The following SV2B variants were observed in gnomAD, a reference collection of about 807,000 sequenced individuals.
SV2B encodes the protein solute carrier family 22 member B2.
Under a neutral mutation model 73.9 loss-of-function variants are expected in SV2B, and 41 were observed. The observed-to-expected ratio is 0.56, with a 90% CI of 0.43 to 0.72. The LOEUF is 0.72. Ranked by LOEUF, SV2B falls within the 30% of genes least tolerant of loss-of-function variation. The pLI, the probability that SV2B is intolerant of heterozygous loss-of-function variation, is 0.00. For missense variants in SV2B, 764 were observed against 857.8 expected (o/e 0.89, Z 1.37); for synonymous variants, 314 against 314.2 (o/e 1.00, Z 0.01).
intron 1 of SV2B, among the ~76,000 whole-genome samples, chr15:91,199,070 G>A (rs113554786): frequency 9.1e-4 from 139 of 152,188 alleles, no homozygotes; most frequent in African/African-American, 3.2e-3. Flanking sequence ...AGGCTGTACT[G>A]GAACTCCTAG....
chr15:91,254,995 C>T (rs914078574), intron 4 of SV2B, among the ~76,000 whole-genome samples: 14 of 152,142 alleles, frequency 9.2e-5, no homozygotes, highest in Middle Eastern at 3.2e-3. Flanking sequence ...GATGCAGATC[C>T]GGAAGGGTTT....
At chr15:91,174,265 C>G (rs2044225131) in intron 1 of SV2B, among the ~76,000 whole-genome samples, 1 of 152,216 alleles carries the variant, frequency 6.6e-6, no homozygotes, top group Non-Finnish European at 1.5e-5. Flanking sequence ...GGCTTTGATT[C>G]TCAGCTTCAC....
In SV2B at chr15:91,191,960, A is replaced by G. The variant is rs551568690; in HGVS notation, c.-391-33913A>G. On this transcript the variant is annotated intron_variant, in intron 1 of 12. Transcript: ENST00000394232. ...CGTTAAATTTTATTTTATAAGTTTTAAAGTTTGAGTTTTATTTTTCTGGCG... is the reference window on the plus strand; with the variant it reads ...CGTTAAATTTTATTTTATAAGTTTTGAAGTTTGAGTTTTATTTTTCTGGCG... 4.0e-4 allele frequency among the ~76,000 whole-genome samples: 61 copies of G among 152,208 alleles called. 1 individual carries two copies. The South Asian group carries it at 0.012, about 31-fold the overall frequency.
In SV2B at chr15:91,301,319, T is replaced by C. The variant is rs1430298758; in HGVS notation, c.*8767T>C. The C allele has an allele frequency of 6.6e-6, 1 of 152,250 alleles. No individual in the cohort carries two copies. The highest frequency in any genetic ancestry group is 1.5e-5 in the Non-Finnish European group (1 of 68,046). The allele number at this position is 152,250 out of a possible 1,614,324, so 9.4% of individuals were successfully genotyped here. On this transcript the variant is annotated 3_prime_UTR_variant, in exon 13 of 13. Transcript: ENST00000394232. The surrounding 1 kb of genome is among the most constrained non-coding windows in gnomAD (Gnocchi z 4.3). ...GAACTGACAAAACCCACTTTTGGTC[T>C]CTCTTCATATTTTTCGTGGTTTCAT... is the stretch of plus-strand genomic sequence containing the variant.
rs2042674389 is a variant in SV2B, at chr15:91,132,180, G to A, written c.-392+31817G>A. Among the ~76,000 whole-genome samples, 1 of 152,164 alleles carries A rather than the reference G, an allele frequency of 6.6e-6. No homozygotes were observed. The highest frequency in any genetic ancestry group is 1.9e-4 in the East Asian group (1 of 5,190). The stretch of plus-strand genomic sequence containing the variant: ...CAGTGTGGCCGCAGACCCCAGCAGC[G>A]GCTCAAGAGCCCAGCTACAGAATCG... On this transcript the variant is annotated intron_variant, in intron 1 of 12. Coordinates refer to ENST00000394232, the MANE Select transcript of SV2B (RefSeq NM_001323032.3). This position sits in a 1 kb window ranked among gnomAD's most constrained non-coding sequence, Gnocchi z 4.6.
chr15:91,158,698 T>TCC lies in SV2B; in HGVS notation c.-392+58336_-392+58337insCC, dbSNP rs1567300631. Among the ~76,000 whole-genome samples the TCC allele has an allele frequency of 3.0e-4, 8 of 27,006 alleles. 2 individuals are homozygous for TCC. The highest frequency in any genetic ancestry group is 7.7e-4 in the Admixed American group (2 of 2,586). The allele number at this position is 27,006 out of a possible 152,430, so 17.7% of individuals were successfully genotyped here. A position where few individuals can be genotyped will look rare whatever the true frequency, so the allele number is the denominator to read the frequency against. On this transcript the variant is annotated intron_variant, in intron 1 of 12. Transcript: ENST00000394232. ...TCTCTTCTCTTCTCTTCTCTTCTCT[T>TCC]CTCTCCTCTCCTCTCCTCTCCTCTC...
intron 1 of SV2B, among the ~76,000 whole-genome samples, chr15:91,134,435 A>T (rs191795127): frequency 6.6e-6 from 1 of 152,298 alleles, no homozygotes; most frequent in Admixed American, 6.5e-5. Flanking sequence ...AAATACCTTG[A>T]GGGATGGACA....
At position 91,300,282 on chromosome 15, in the gene SV2B, T is replaced by C. The variant is rs967575804; in HGVS notation, c.*7730T>C. 7 of 152,174 alleles carry C rather than the reference T, an allele frequency of 4.6e-5. No individual in the cohort carries two copies. The highest frequency in any genetic ancestry group is 1.7e-4 in the African/African-American group (7 of 41,442). The allele number at this position is 152,174 out of a possible 1,614,324, so 9.4% of individuals were successfully genotyped here. On this transcript the variant is annotated 3_prime_UTR_variant, in exon 13 of 13. Coordinates refer to ENST00000394232, the MANE Select transcript of SV2B (RefSeq NM_001323032.3). The stretch of plus-strand genomic sequence containing the variant: ...TGTGTGTGAGATTTGGTCTCAGCTT[T>C]TTGGTCCATCTGAATCCTGGAAGTC...
At chr15:91,168,766 A>AT (rs2044011179) in intron 1 of SV2B, among the ~76,000 whole-genome samples, 1 of 152,234 alleles carries the variant, frequency 6.6e-6, no homozygotes, top group African/African-American at 2.4e-5. Flanking sequence ...GAATCCTCTC[A>AT]TACAGTTGCT....
intron 1 of SV2B, among the ~76,000 whole-genome samples, chr15:91,109,706 C>A (rs2041986455): frequency 6.6e-6 from 1 of 152,072 alleles, no homozygotes; most frequent in Non-Finnish European, 1.5e-5. Context: ...GCGGGGAATC[C>A]AAACTTCTTA....
chr15:91,240,793 C>T lies in SV2B; in HGVS notation c.452-11026C>T, dbSNP rs1037245003. Among the ~76,000 whole-genome samples the T allele has an allele frequency of 1.3e-5, 2 of 152,164 alleles. No individual in the cohort carries two copies. The highest frequency in any genetic ancestry group is 6.5e-5 in the Admixed American group (1 of 15,282). ...TCCCGTATGACACTGTACATGCCTCCGTTCCCCTATGTTTCCCCCTTCTCC... is the reference window on the plus strand; with the variant it reads ...TCCCGTATGACACTGTACATGCCTCTGTTCCCCTATGTTTCCCCCTTCTCC... On this transcript the variant is annotated intron_variant, in intron 2 of 12. Coordinates refer to ENST00000394232, the MANE Select transcript of SV2B (RefSeq NM_001323032.3). This position sits in a 1 kb window ranked among gnomAD's most constrained non-coding sequence, Gnocchi z 4.6.
At chr15:91,235,382 G>T (rs902772800) in intron 2 of SV2B, among the ~76,000 whole-genome samples, 1 of 151,958 alleles carries the variant, frequency 6.6e-6, no homozygotes, top group African/African-American at 2.4e-5. Context: ...ATAGTCAGAG[G>T]GTTGACTATT....
At chr15:91,147,965 CTTTTTTTTTTTTTTTTTTTT>C (rs60896008) in intron 1 of SV2B, among the ~76,000 whole-genome samples, 1 of 39,260 alleles carries the variant, frequency 2.5e-5, no homozygotes, top group Non-Finnish European at 4.4e-5. Flanking sequence ...CCCCCCCCAA[CTTTTTTTTTTTTTTTTTTTT>C]TTTTTTTTTT....
chr15:91,198,744 A>G (rs984259564), intron 1 of SV2B, among the ~76,000 whole-genome samples: 1 of 152,230 alleles, frequency 6.6e-6, no homozygotes, highest in Non-Finnish European at 1.5e-5. Flanking sequence ...GCTCTTGCCC[A>G]GGGAGAATGG....
At chr15:91,186,939 C>A (rs1254923679) in intron 1 of SV2B, among the ~76,000 whole-genome samples, 2 of 152,178 alleles carry the variant, frequency 1.3e-5, no homozygotes, top group African/African-American at 4.8e-5. Flanking sequence ...AAGCATGTAT[C>A]ATGCAAATAC....
intron 1 of SV2B, among the ~76,000 whole-genome samples, chr15:91,153,241 A>T (rs2043370187): frequency 6.6e-6 from 1 of 152,200 alleles, no homozygotes; most frequent in African/African-American, 2.4e-5. Context: ...TTAGGGGTTA[A>T]GTTCCAACGT....
rs1484444653 is a variant in SV2B at position 91,284,820 on chromosome 15, G to A, written c.1708+599G>A. 6.6e-6 allele frequency among the ~76,000 whole-genome samples: 1 copy of A among 152,116 alleles called. No homozygotes were observed. Among genetic ancestry groups the A allele is most frequent in the Admixed American group, 6.5e-5 (1 of 15,278 alleles). On this transcript the variant is annotated intron_variant, in intron 11 of 12. Coordinates refer to ENST00000394232, the MANE Select transcript of SV2B (RefSeq NM_001323032.3). The surrounding 1 kb of genome is among the most constrained non-coding windows in gnomAD (Gnocchi z 4.5). ...TACCTGTAACACTTGGCACATCGTC[G>A]GTTCTCAAAAATGGTAGCTATATTC...
chr15:91,217,359 A>C (rs1028951818), intron 1 of SV2B, among the ~76,000 whole-genome samples: 1 of 152,184 alleles, frequency 6.6e-6, no homozygotes, highest in Non-Finnish European at 1.5e-5. Flanking sequence ...ATTCCAGTAT[A>C]ATATGATAAT....
intron 2 of SV2B, among the ~76,000 whole-genome samples, chr15:91,249,068 T>TCACATACACACACACACACACACA (rs1290015975): frequency 1.4e-5 from 2 of 142,012 alleles, no homozygotes; most frequent in African/African-American, 2.7e-5. Context: ...ATCTACGTTT[T>TCACATACACACACACACACACACA]CACACACACA....
Sources: allele counts gnomAD v4.1 joint callset (sites outside exome capture counted in the v4.1 genomes callset), GRCh38; gene constraint gnomAD v4.1.1; non-coding constraint Gnocchi (gnomAD v3.1); transcripts MANE v1.5; gene names NCBI Gene and HGNC (gene_info 2026-07-23, HGNC 2026-07-21).